The following FAM135B variants were observed in gnomAD, a reference collection of about 807,000 sequenced individuals.
The protein encoded by FAM135B is protein FAM135B.
A neutral mutation model predicts 127.7 loss-of-function variants in FAM135B; 43 were observed. The observed-to-expected ratio is 0.34, with a 90% CI of 0.26 to 0.43. The LOEUF (loss-of-function observed/expected upper bound fraction) is 0.43, where lower values mean the gene tolerates loss of function less well. FAM135B is among the 20% of genes least tolerant of loss of function. The probability of loss-of-function intolerance (pLI) is 1.00; values close to 1 mark genes in which losing one functional copy is unlikely to be tolerated. For missense variants in FAM135B, 1,558 were observed against 1,725.6 expected (o/e 0.90, Z 1.72); for synonymous variants, 670 against 665.1 (o/e 1.01, Z -0.11).
chr8:138,237,905 T>C (rs1278003424), intron 7 of FAM135B, among the ~76,000 whole-genome samples: 2 of 152,142 alleles, frequency 1.3e-5, no homozygotes, highest in South Asian at 2.1e-4. Context: ...ATACAACTTA[T>C]TGGTTCTGTT....
chr8:138,317,334 C>T (rs1223894226), intron 2 of FAM135B, among the ~76,000 whole-genome samples: 2 of 152,044 alleles, frequency 1.3e-5, no homozygotes. Context: ...AGATTAGTGG[C>T]TGCCAGGGGT....
At chr8:138,159,066 A>T (rs1175092983) in intron 12 of FAM135B, among the ~76,000 whole-genome samples, 1 of 149,888 alleles carries the variant, frequency 6.7e-6, no homozygotes, top group South Asian at 2.1e-4. Context: ...AGGTCAGGAG[A>T]TCGAGACCAT....
chr8:138,222,072 G>A (rs72614003), intron 7 of FAM135B, among the ~76,000 whole-genome samples: 12,402 of 152,160 alleles, frequency 0.082, 873 homozygotes, highest in East Asian at 0.3. Context: ...TGTAGAGAGT[G>A]GGAGGTGGAG....
intron 7 of FAM135B, among the ~76,000 whole-genome samples, chr8:138,214,412 T>A (rs778167668): frequency 6.6e-6 from 1 of 152,222 alleles, no homozygotes; most frequent in Non-Finnish European, 1.5e-5. Flanking sequence ...GGCACCAAGC[T>A]GAACTCTACT....
At chr8:138,180,322 A>G (rs142586260) in intron 9 of FAM135B, among the ~76,000 whole-genome samples, 142 of 152,306 alleles carry the variant, frequency 9.3e-4, no homozygotes, top group African/African-American at 2.4e-3. Flanking sequence ...GCTTTGTTCA[A>G]TGGTGGATAT....
intron 6 of FAM135B, among the ~76,000 whole-genome samples, chr8:138,246,346 G>A (rs1376126233): frequency 2.0e-5 from 3 of 152,262 alleles, no homozygotes; most frequent in East Asian, 3.9e-4. Flanking sequence ...AAGAAAGAAT[G>A]GTTTTGAGGG....
chr8:138,313,285 C>T (rs1386461804), intron 2 of FAM135B, among the ~76,000 whole-genome samples: 2 of 152,116 alleles, frequency 1.3e-5, no homozygotes, highest in Non-Finnish European at 2.9e-5. Flanking sequence ...GTACCCACCA[C>T]CATTCCCAGC....
Position 138,242,964 on chromosome 8 carries a change from T to G in FAM135B, c.647A>C (p.Tyr216Ser), listed in dbSNP as rs1820949116. Residue 216 changes from tyrosine to serine, a missense_variant, in exon 7 of 20, where the codon TAC (tyrosine) becomes TCC (serine). By Grantham distance (144) the Tyr-to-Ser change is moderately radical. Around this residue, in one of 5 missense-constraint regions of FAM135B, gnomAD observed 127 missense variants for 109.7 expected, o/e 1.16. Transcript: ENST00000395297. This position sits in a 1 kb window ranked among gnomAD's most constrained non-coding sequence, Gnocchi z 9.6. ...SLENLVFGAG[Y>S]CKPTSSEGSF... ...TACCTCTGAGGAAGTCGGCTTGCAGTACCCAGCTCCAAAGACCAAGTTTTC... is the reference window on the plus strand; with the variant it reads ...TACCTCTGAGGAAGTCGGCTTGCAGGACCCAGCTCCAAAGACCAAGTTTTC... 6.2e-7 allele frequency: 1 copy of G among 1,613,706 alleles called. No homozygotes were observed. Among genetic ancestry groups the G allele is most frequent in the Non-Finnish European group, 8.5e-7 (1 of 1,179,838 alleles).
At chr8:138,174,075 C>T (rs1814190727) in intron 11 of FAM135B, among the ~76,000 whole-genome samples, 1 of 152,210 alleles carries the variant, frequency 6.6e-6, no homozygotes, top group Admixed American at 6.5e-5. Flanking sequence ...TTTCAGCAGA[C>T]AGTCCTTCCT....
At chr8:138,209,431 C>T (rs1817964786) in intron 7 of FAM135B, among the ~76,000 whole-genome samples, 1 of 152,136 alleles carries the variant, frequency 6.6e-6, no homozygotes, top group African/African-American at 2.4e-5. Flanking sequence ...GTGACAAGCA[C>T]AGAAGCCATC....
At chr8:138,439,289 G>A (rs1835631787) in intron 1 of FAM135B, 1 of 152,198 alleles carries the variant, frequency 6.6e-6, no homozygotes, top group South Asian at 2.1e-4. Flanking sequence ...TGGTCAATAT[G>A]AGAGAATCAT....
intron 11 of FAM135B, among the ~76,000 whole-genome samples, chr8:138,173,060 G>A (rs1351861973): frequency 6.6e-6 from 1 of 152,134 alleles, no homozygotes; most frequent in Non-Finnish European, 1.5e-5. Context: ...GGCTTTGCTT[G>A]GAAACCAGTT....
At chr8:138,144,550 C>T (rs1817497430) in intron 15 of FAM135B, among the ~76,000 whole-genome samples, 1 of 152,136 alleles carries the variant, frequency 6.6e-6, no homozygotes, top group South Asian at 2.1e-4. Context: ...AATTATGAGG[C>T]CTGAGTTGAC....
At position 138,413,227 on chromosome 8, in the gene FAM135B, C is replaced by T. The variant is rs575546478; in HGVS notation, c.-19-45225G>A. On this transcript the variant is annotated intron_variant, in intron 1 of 19. Coordinates refer to ENST00000395297, the MANE Select transcript of FAM135B (RefSeq NM_015912.4). ...TCCCTCCTAACTCACTCTCCTGTAA[C>T]TCCTTCCACCCATTCCCTCCCTTGC... is the stretch of plus-strand genomic sequence containing the variant. Among the ~76,000 whole-genome samples, 4 of 152,182 alleles carry T rather than the reference C, an allele frequency of 2.6e-5. No individual in the cohort carries two copies. In the East Asian group the frequency reaches 7.7e-4, roughly 29 times the overall value.
intron 3 of FAM135B, among the ~76,000 whole-genome samples, chr8:138,280,555 G>A (rs1452124780): frequency 6.6e-6 from 1 of 152,144 alleles, no homozygotes; most frequent in African/African-American, 2.4e-5. Context: ...TTGCTATTAT[G>A]CGGCTGTTTA....
At chr8:138,368,111 C>A in intron 1 of FAM135B, 109 bp from the exon 2 acceptor site, 1 of 716,918 alleles carries the variant, frequency 1.4e-6, no homozygotes. Flanking sequence ...ACAGGAGTAG[C>A]GTGTGTCCAC....
At chr8:138,213,077 G>C (rs1818264636) in intron 7 of FAM135B, among the ~76,000 whole-genome samples, 1 of 152,050 alleles carries the variant, frequency 6.6e-6, no homozygotes, top group Non-Finnish European at 1.5e-5. Context: ...ATCCCATCGG[G>C]GTCCACTTAG....
rs1289950458 is a variant in FAM135B at position 138,243,201 on chromosome 8, A to G, written c.543-133T>C. ...TTTAGGAGTAGTTCACCCCCTAGGG[A>G]GTGTTTGCATGTGACATTTGTGGAT... On this transcript the variant is annotated intron_variant, in intron 6 of 19. Transcript: ENST00000395297. This position sits in a 1 kb window ranked among gnomAD's most constrained non-coding sequence, Gnocchi z 7.5. 3 of 1,029,454 alleles carry G rather than the reference A, an allele frequency of 2.9e-6. No individual in the cohort carries two copies. The highest frequency in any genetic ancestry group is 4.1e-6 in the Non-Finnish European group (3 of 738,824). The allele number at this position is 1,029,454 out of a possible 1,614,324, so 63.8% of individuals were successfully genotyped here.
intron 2 of FAM135B, among the ~76,000 whole-genome samples, chr8:138,361,520 G>A (rs1830422044): frequency 6.6e-6 from 1 of 152,158 alleles, no homozygotes; most frequent in Non-Finnish European, 1.5e-5. Context: ...CTCTGAAGAA[G>A]CTCACATTGA....
Sources: gnomAD v4.1 joint callset for allele counts (sites outside exome capture counted in the v4.1 genomes callset) on GRCh38, gnomAD v4.1.1 for gene constraint, gnomAD v4.1.1 regional missense constraint, Gnocchi (gnomAD v3.1) non-coding constraint, MANE v1.5 for transcripts, NCBI Gene and HGNC (gene_info 2026-07-23, HGNC 2026-07-21) for gene names.